The following CLDN10 variants were observed in gnomAD, a reference collection of about 807,000 sequenced individuals.
CLDN10 encodes the protein claudin 10.
In CLDN10, 15 loss-of-function variants were observed where a neutral mutation model predicts 22.9. The observed-to-expected ratio is 0.65, with a 90% confidence interval of 0.44 to 1.01. CLDN10 has a LOEUF of 1.01. Ranked by LOEUF, CLDN10 falls within the 50% of genes least tolerant of loss-of-function variation. The pLI, the probability that CLDN10 is intolerant of heterozygous loss-of-function variation, is 0.00. For missense variants in CLDN10, 247 were observed against 287.8 expected (o/e 0.86, Z 1.03); for synonymous variants, 114 against 111.4 (o/e 1.02, Z -0.15).
intron 1 of CLDN10, 68 bp downstream of exon 1, chr13:95,553,041 C>T (rs562311166): frequency 5.1e-6 from 8 of 1,574,900 alleles, no homozygotes; most frequent in Middle Eastern, 2.0e-4. Context: ...GGCGCCCTCT[C>T]GCCCCCAATA....
intron 1 of CLDN10, among the ~76,000 whole-genome samples, chr13:95,499,630 G>C (rs945186909): frequency 6.6e-6 from 1 of 152,304 alleles, no homozygotes; most frequent in Non-Finnish European, 1.5e-5. Flanking sequence ...CAGACTGAGC[G>C]ATCCAGACCT....
At chr13:95,484,771 C>A (rs7489425) in intron 1 of CLDN10, among the ~76,000 whole-genome samples, 82,839 of 147,550 alleles carry the variant, frequency 0.56, 23,934 homozygotes, top group African/African-American at 0.72. Context: ...GAGGCTGAGG[C>A]ACAAGAATCG....
intron 1 of CLDN10, among the ~76,000 whole-genome samples, chr13:95,518,143 A>G (rs1331170281): frequency 2.0e-5 from 3 of 152,198 alleles, no homozygotes; most frequent in Non-Finnish European, 2.9e-5. Flanking sequence ...GGTGATAATT[A>G]CATTACCTGC....
At chr13:95,514,366 T>A (rs1322432385) in intron 1 of CLDN10, among the ~76,000 whole-genome samples, 3 of 152,062 alleles carry the variant, frequency 2.0e-5, no homozygotes, top group African/African-American at 7.2e-5. Context: ...TAAGCAAACG[T>A]TAACAATCAG....
chr13:95,539,642 T>G (rs2043438581), intron 1 of CLDN10, among the ~76,000 whole-genome samples: 1 of 152,236 alleles, frequency 6.6e-6, no homozygotes, highest in Non-Finnish European at 1.5e-5. Context: ...AATTACAAGA[T>G]GGCTTTATTT....
chr13:95,439,035 G>A (rs1032582693), intron 1 of CLDN10, among the ~76,000 whole-genome samples: 2 of 150,656 alleles, frequency 1.3e-5, no homozygotes, highest in African/African-American at 4.9e-5. Flanking sequence ...TAGAGAAAGA[G>A]GGTTTTCTGT....
intron 1 of CLDN10, among the ~76,000 whole-genome samples, chr13:95,496,143 C>T (rs56896735): frequency 0.081 from 12,315 of 152,268 alleles, 537 homozygotes; most frequent in Non-Finnish European, 0.093. Flanking sequence ...CTTCTCTCCT[C>T]TTTTCAACTA....
chr13:95,519,695 G>C (rs1400414390), intron 1 of CLDN10, among the ~76,000 whole-genome samples: 1 of 150,092 alleles, frequency 6.7e-6, no homozygotes, highest in Non-Finnish European at 1.5e-5. Context: ...GCACCAAGCT[G>C]CCACAGGGCA....
At chr13:95,440,708 TTA>T (rs2042316276) in intron 1 of CLDN10, among the ~76,000 whole-genome samples, 1 of 152,174 alleles carries the variant, frequency 6.6e-6, no homozygotes, top group South Asian at 2.1e-4. Context: ...AGGCATAATA[TTA>T]TATGTGTACT....
Position 95,552,775 on chromosome 13 carries a change from A to T in CLDN10, c.22A>T (p.Ile8Phe). The change falls in exon 1 of 5, where the codon ATC becomes TTC. Residue 8 changes from isoleucine to phenylalanine, a missense_variant. By Grantham distance (21) the Ile-to-Phe change is conservative. Transcript: ENST00000299339. MASTASE[I>F]IAFMVSISGW... ...CGGCATGGCTAGCACGGCTTCGGAG[A>T]TCATCGCCTTCATGGTCTCCATCTC... is the stretch of plus-strand genomic sequence containing the variant. The T allele has an allele frequency of 1.2e-6, 2 of 1,613,014 alleles. No individual in the cohort carries two copies. Among genetic ancestry groups the T allele is most frequent in the Non-Finnish European group, 1.7e-6 (2 of 1,179,806 alleles).
chr13:95,517,620 T>C (rs2043183176), intron 1 of CLDN10, among the ~76,000 whole-genome samples: 1 of 152,098 alleles, frequency 6.6e-6, no homozygotes, highest in Non-Finnish European at 1.5e-5. Flanking sequence ...GATTCTGAAG[T>C]ATAGACACTC....
At chr13:95,485,446 C>T (rs1035001188) in intron 1 of CLDN10, among the ~76,000 whole-genome samples, 3 of 152,174 alleles carry the variant, frequency 2.0e-5, no homozygotes, top group African/African-American at 7.2e-5. Flanking sequence ...CCTTACACCA[C>T]AGGTCTATGA....
At chr13:95,457,400 G>A (rs1249635603) in intron 1 of CLDN10, among the ~76,000 whole-genome samples, 1 of 152,282 alleles carries the variant, frequency 6.6e-6, no homozygotes, top group East Asian at 1.9e-4. Context: ...TGAGAAGCCA[G>A]GTGTGTAGAA....
intron 3 of CLDN10, among the ~76,000 whole-genome samples, chr13:95,563,209 G>GGGGAGAGA (rs1476892851): frequency 2.0e-5 from 3 of 147,650 alleles, no homozygotes; most frequent in African/African-American, 7.5e-5. Flanking sequence ...AGTTAAGAGA[G>GGGGAGAGA]GAGAGAGAGA....
At chr13:95,556,392 A>G (rs1348083084) in intron 1 of CLDN10, among the ~76,000 whole-genome samples, 2 of 152,216 alleles carry the variant, frequency 1.3e-5, no homozygotes, top group Non-Finnish European at 2.9e-5. Context: ...CCCTAGGGGT[A>G]TCATTGCCAC....
chr13:95,512,102 C>T (rs1460687867), intron 1 of CLDN10, among the ~76,000 whole-genome samples: 2 of 114,810 alleles, frequency 1.7e-5, no homozygotes, highest in Non-Finnish European at 3.7e-5. Flanking sequence ...AAAGTCATCT[C>T]AGACAAAGAT....
chr13:95,509,713 C>T (rs1434920902), intron 1 of CLDN10, among the ~76,000 whole-genome samples: 2 of 152,298 alleles, frequency 1.3e-5, no homozygotes, highest in Middle Eastern at 3.4e-3. Flanking sequence ...CCCCTCTGGA[C>T]TCATCTCTTT....
intron 1 of CLDN10, among the ~76,000 whole-genome samples, chr13:95,473,978 C>T (rs1209625949): frequency 2.0e-5 from 3 of 152,302 alleles, no homozygotes; most frequent in Middle Eastern, 3.4e-3. Context: ...GGACCGGTTT[C>T]GTGGAAGACA....
upstream of CLDN10, among the ~76,000 whole-genome samples, chr13:95,549,781 C>T (rs2043545480): frequency 6.6e-6 from 1 of 152,178 alleles, no homozygotes; most frequent in South Asian, 2.1e-4. Context: ...ACAGGCATGA[C>T]GACCCTAGTC....
Sources: allele counts gnomAD v4.1 joint callset (sites outside exome capture counted in the v4.1 genomes callset), GRCh38; gene constraint gnomAD v4.1.1; transcripts MANE v1.5; gene names NCBI Gene and HGNC (gene_info 2026-07-23, HGNC 2026-07-21).